ACTR3C: variants seen among roughly 807,000 people sequenced by gnomAD.
The protein encoded by ACTR3C is actin related protein 3C, also known as actin-related protein 3C.
A neutral mutation model predicts 26.3 loss-of-function variants in ACTR3C; 18 were observed. The ratio of observed to expected loss-of-function variants is 0.68; its 90% CI spans 0.47 to 1.01. The LOEUF (loss-of-function observed/expected upper bound fraction) is 1.01, where lower values mean the gene tolerates loss of function less well. Ranked by LOEUF, ACTR3C falls within the 50% of genes least tolerant of loss-of-function variation. ACTR3C has a pLI of 0.00. For missense variants in ACTR3C, 184 were observed against 250.7 expected, an observed-to-expected ratio of 0.73 and a Z score of 1.80; for synonymous variants, 55 against 94.5, an observed-to-expected ratio of 0.58 and a Z score of 2.42.
chr7:150,048,793 C>T, the ACTR3C span, among the ~76,000 whole-genome samples: 1 of 152,136 alleles, frequency 6.6e-6, no homozygotes, highest in African/African-American at 2.4e-5. Context: ...GGTCGGACGA[C>T]GCTGGTGAGG....
chr7:150,112,819 T>G, the ACTR3C span, among the ~76,000 whole-genome samples: 1 of 152,066 alleles, frequency 6.6e-6, no homozygotes, highest in Non-Finnish European at 1.5e-5. Flanking sequence ...GGTGCCCCAA[T>G]TTAGCTCCTC....
the ACTR3C span, among the ~76,000 whole-genome samples, chr7:149,991,123 T>C: frequency 6.6e-6 from 1 of 152,134 alleles, no homozygotes. Context: ...TAAAGGCACG[T>C]CTTACACGGC....
the ACTR3C span, among the ~76,000 whole-genome samples, chr7:150,171,318 G>T: frequency 1.3e-5 from 2 of 149,822 alleles, no homozygotes; most frequent in African/African-American, 2.6e-5. Context: ...CAGCAAGATC[G>T]CTGGAATATA....
the ACTR3C span, among the ~76,000 whole-genome samples, chr7:150,237,877 C>A: frequency 0.042 from 6,156 of 147,534 alleles, 488 homozygotes; most frequent in African/African-American, 0.15. Flanking sequence ...ACATCCCAGG[C>A]ACTCTGTTTT....
chr7:149,896,070 C>T, the ACTR3C span, among the ~76,000 whole-genome samples: 2 of 149,830 alleles, frequency 1.3e-5, no homozygotes, highest in Non-Finnish European at 3.0e-5. Context: ...AAAAACTAGC[C>T]GGGAGTCCCA....
At chr7:150,047,162 A>C in the ACTR3C span, among the ~76,000 whole-genome samples, 1 of 151,724 alleles carries the variant, frequency 6.6e-6, no homozygotes, top group Non-Finnish European at 1.5e-5. Flanking sequence ...GGCACGATGG[A>C]GAGATTCCAG....
intron 1 of ACTR3C, among the ~76,000 whole-genome samples, chr7:150,306,782 G>A (rs1295114582): frequency 6.6e-6 from 1 of 152,202 alleles, no homozygotes; most frequent in Non-Finnish European, 1.5e-5. Context: ...TTGTACATAT[G>A]TGTGATGAGA....
the ACTR3C span, among the ~76,000 whole-genome samples, chr7:150,187,132 T>G: frequency 2.6e-5 from 4 of 151,710 alleles, no homozygotes; most frequent in African/African-American, 9.7e-5. Flanking sequence ...TCTCTTTTTT[T>G]GATTCTCTGC....
the ACTR3C span, among the ~76,000 whole-genome samples, chr7:150,088,978 C>T: frequency 6.6e-6 from 1 of 152,180 alleles, no homozygotes; most frequent in Non-Finnish European, 1.5e-5. Context: ...ACAGCCTTGG[C>T]TACCAGCACC....
intron 1 of ACTR3C, among the ~76,000 whole-genome samples, chr7:150,302,570 T>C (rs1427969165): frequency 4.0e-5 from 6 of 151,828 alleles, no homozygotes; most frequent in African/African-American, 1.5e-4. Context: ...GAGTATAATA[T>C]TGGGTGTAAA....
intron 1 of ACTR3C, among the ~76,000 whole-genome samples, chr7:150,321,374 A>G (rs1280624102): frequency 6.6e-6 from 1 of 152,154 alleles, no homozygotes; most frequent in Non-Finnish European, 1.5e-5. Context: ...GTGAGTCTCA[A>G]TTTTCTGATC....
At chr7:149,896,392 C>T in the ACTR3C span, among the ~76,000 whole-genome samples, 1 of 152,082 alleles carries the variant, frequency 6.6e-6, no homozygotes, top group Non-Finnish European at 1.5e-5. Context: ...AATGCATATA[C>T]CACTACCTAT....
chr7:150,127,589 T>C, the ACTR3C span, among the ~76,000 whole-genome samples: 1 of 151,984 alleles, frequency 6.6e-6, no homozygotes, highest in African/African-American at 2.4e-5. Flanking sequence ...CCAAGAAGAG[T>C]GAGCCTTATA....
At chr7:149,949,989 G>A in the ACTR3C span, among the ~76,000 whole-genome samples, 1 of 140,290 alleles carries the variant, frequency 7.1e-6, no homozygotes, top group Admixed American at 6.9e-5. Context: ...GCACTCCCTG[G>A]ACAGGGAGGA....
At chr7:150,140,169 T>C in the ACTR3C span, among the ~76,000 whole-genome samples, 13 of 152,202 alleles carry the variant, frequency 8.5e-5, no homozygotes, top group Non-Finnish European at 1.8e-4. Context: ...AAAATAAAGT[T>C]CGGTATCACT....
At chr7:149,933,838 T>C in the ACTR3C span, among the ~76,000 whole-genome samples, 1 of 152,072 alleles carries the variant, frequency 6.6e-6, no homozygotes, top group African/African-American at 2.4e-5. Context: ...CATACAACAC[T>C]AGCAAGTTCC....
chr7:150,164,068 T>C, the ACTR3C span, among the ~76,000 whole-genome samples: 13 of 152,108 alleles, frequency 8.5e-5, no homozygotes, highest in African/African-American at 2.9e-4. Context: ...TAGAAGAACA[T>C]TGGGACGCCC....
At chr7:150,036,054 T>C in the ACTR3C span, among the ~76,000 whole-genome samples, 1 of 115,576 alleles carries the variant, frequency 8.7e-6, no homozygotes, top group Non-Finnish European at 1.9e-5. Context: ...AGGGGCTCGC[T>C]CTCAGTCCCC....
chr7:150,059,612 G>A, the ACTR3C span, among the ~76,000 whole-genome samples: 19 of 152,100 alleles, frequency 1.2e-4, no homozygotes, highest in Non-Finnish European at 2.5e-4. Context: ...AGAGGAGGAG[G>A]GAGAGGGGAA....
Sources: allele counts gnomAD v4.1 joint callset (sites outside exome capture counted in the v4.1 genomes callset), GRCh38; gene constraint gnomAD v4.1.1; transcripts MANE v1.5; gene names NCBI Gene and HGNC (gene_info 2026-07-23, HGNC 2026-07-21).